Variants in BACH2 observed in about 807,000 individuals in gnomAD.
The protein encoded by BACH2 is transcription regulator protein BACH2.
BACH2 carries 5 observed loss-of-function variants against 61.8 expected under a neutral mutation model. The ratio of observed to expected loss-of-function variants is 0.08; its 90% CI spans 0.04 to 0.17. The LOEUF (loss-of-function observed/expected upper bound fraction) is 0.17. Ranked by LOEUF, BACH2 falls within the 10% of genes least tolerant of loss-of-function variation. BACH2 has a pLI of 1.00. For synonymous variants in BACH2, 446 were observed against 440.1 expected, an observed-to-expected ratio of 1.01 and a Z score of -0.17; for missense variants, 824 against 1,091.1, an observed-to-expected ratio of 0.76 and a Z score of 3.45.
intron 6 of BACH2, among the ~76,000 whole-genome samples, chr6:89,969,960 G>A (rs1286849901): frequency 6.6e-6 from 1 of 152,128 alleles, no homozygotes; most frequent in Non-Finnish European, 1.5e-5. Flanking sequence ...GGTGGGGGTT[G>A]GGGGATGACT....
At chr6:90,210,447 C>T (rs925487636) in intron 3 of BACH2, among the ~76,000 whole-genome samples, 2 of 151,932 alleles carry the variant, frequency 1.3e-5, no homozygotes, top group East Asian at 3.9e-4. Flanking sequence ...GGACAGCAAC[C>T]AAAAAGACTG....
intron 5 of BACH2, among the ~76,000 whole-genome samples, chr6:90,040,673 T>C (rs1779491528): frequency 6.6e-6 from 1 of 152,132 alleles, no homozygotes; most frequent in Non-Finnish European, 1.5e-5. Flanking sequence ...CTTTGTTTTT[T>C]CTCTTCATCT....
At position 90,127,019 on chromosome 6, in the gene BACH2, T is replaced by C. The variant is rs370785812; in HGVS notation, c.-161-37910A>G. On this transcript the variant is annotated intron_variant, in intron 4 of 8. Transcript: ENST00000257749. Reference sequence around the variant, plus strand: ...ATGGCAAGCTGTTGACAACTCCTACTGTACAAAAGAGTTGTTCACACTGCA... The same window carrying C: ...ATGGCAAGCTGTTGACAACTCCTACCGTACAAAAGAGTTGTTCACACTGCA... 7.2e-5 allele frequency among the ~76,000 whole-genome samples: 11 copies of C among 152,316 alleles called. No individual in the cohort carries two copies. The East Asian group carries it at 9.6e-4, about 13-fold the overall frequency.
intron 4 of BACH2, among the ~76,000 whole-genome samples, chr6:90,111,275 G>A (rs2127816093): frequency 6.6e-6 from 1 of 152,076 alleles, no homozygotes; most frequent in South Asian, 2.1e-4. Context: ...CTCTCTCCCG[G>A]GCTTGCAAAA....
intron 5 of BACH2, among the ~76,000 whole-genome samples, chr6:90,066,522 T>C (rs1375819449): frequency 6.6e-6 from 1 of 152,122 alleles, no homozygotes; most frequent in African/African-American, 2.4e-5. Flanking sequence ...AATTTACTAA[T>C]CCAGGAACGA....
chr6:90,075,566 G>A (rs1781438436), intron 5 of BACH2, among the ~76,000 whole-genome samples: 2 of 151,958 alleles, frequency 1.3e-5, no homozygotes, highest in Admixed American at 6.6e-5. Context: ...AATAAATTAC[G>A]ATACCCTGAC....
chr6:89,968,037 C>A (rs1184288822), intron 6 of BACH2, among the ~76,000 whole-genome samples: 1 of 152,224 alleles, frequency 6.6e-6, no homozygotes, highest in Non-Finnish European at 1.5e-5. Flanking sequence ...TGACTCCTAG[C>A]CTTTTCTTTG....
chr6:90,096,903 C>T (rs545659496), intron 4 of BACH2, among the ~76,000 whole-genome samples: 39 of 152,320 alleles, frequency 2.6e-4, no homozygotes, highest in Middle Eastern at 6.8e-3. Flanking sequence ...AAAAATCAAT[C>T]GTGCTTACTT....
chr6:90,219,063 G>A lies in BACH2; in HGVS notation c.-274-12382C>T, dbSNP rs1769647268. Among the ~76,000 whole-genome samples, 3 of 151,876 alleles carry A rather than the reference G, an allele frequency of 2.0e-5. No homozygotes were observed. The South Asian group carries it at 6.2e-4, about 32-fold the overall frequency. On this transcript the variant is annotated intron_variant, in intron 3 of 8. Coordinates refer to ENST00000257749, the MANE Select transcript of BACH2 (RefSeq NM_021813.4). ...GTAGACTTCAGTGGAGTGAAGGCTT[G>A]TAAAAAAAAGAAAAAAAATTGTTGT... is the stretch of plus-strand genomic sequence containing the variant.
At chr6:89,990,702 C>T (rs1176873883) in intron 6 of BACH2, among the ~76,000 whole-genome samples, 2 of 151,788 alleles carry the variant, frequency 1.3e-5, no homozygotes, top group Admixed American at 6.6e-5. Flanking sequence ...GTCCTAACTA[C>T]TGTATTCAAA....
chr6:89,937,602 T>C (rs1333742432), intron 8 of BACH2, among the ~76,000 whole-genome samples: 1 of 152,148 alleles, frequency 6.6e-6, no homozygotes, highest in Admixed American at 6.5e-5. Flanking sequence ...TGATCTCCAC[T>C]CACTGCAACC....
intron 6 of BACH2, among the ~76,000 whole-genome samples, chr6:89,965,203 TC>T (rs1774990697): frequency 1.3e-5 from 2 of 152,196 alleles, no homozygotes; most frequent in Non-Finnish European, 1.5e-5. Flanking sequence ...TACTTTTGGC[TC>T]TGCTTGTCTT....
At chr6:90,155,205 A>C (rs1228044194) in intron 4 of BACH2, among the ~76,000 whole-genome samples, 1 of 152,216 alleles carries the variant, frequency 6.6e-6, no homozygotes, top group African/African-American at 2.4e-5. Flanking sequence ...GGCTAGACTA[A>C]GAAGGCTGCA....
intron 4 of BACH2, among the ~76,000 whole-genome samples, chr6:90,129,801 T>C (rs1284104888): frequency 2.0e-5 from 3 of 152,168 alleles, no homozygotes; most frequent in Non-Finnish European, 4.4e-5. Context: ...CTTGTGATTT[T>C]TGCACATTGA....
At chr6:89,974,054 C>T (rs1264840123) in intron 6 of BACH2, among the ~76,000 whole-genome samples, 3 of 152,128 alleles carry the variant, frequency 2.0e-5, no homozygotes, top group Non-Finnish European at 4.4e-5. Flanking sequence ...GCTGGAGATA[C>T]TCACTGAGTC....
At chr6:90,045,416 G>A (rs138259257) in intron 5 of BACH2, among the ~76,000 whole-genome samples, 144 of 152,246 alleles carry the variant, frequency 9.5e-4, no homozygotes, top group African/African-American at 3.3e-3. Context: ...GGAAAGAAAC[G>A]ACATCAACAG....
chr6:89,966,345 T>C (rs1403485054), intron 6 of BACH2, among the ~76,000 whole-genome samples: 1 of 152,208 alleles, frequency 6.6e-6, no homozygotes, highest in Non-Finnish European at 1.5e-5. Context: ...GCTTCTGCAA[T>C]GGGCTCTGCC....
At chr6:90,290,700 G>A (rs898357233) in intron 1 of BACH2, among the ~76,000 whole-genome samples, 21 of 152,186 alleles carry the variant, frequency 1.4e-4, no homozygotes, top group East Asian at 3.9e-4. Context: ...TTTAAAATCC[G>A]AAGTGAAGGT....
At chr6:89,990,779 C>G (rs577526600) in intron 6 of BACH2, among the ~76,000 whole-genome samples, 1 of 152,202 alleles carries the variant, frequency 6.6e-6, no homozygotes, top group Non-Finnish European at 1.5e-5. Flanking sequence ...AGTTGCTGAT[C>G]ACTAACTTAG....
Sources: gnomAD v4.1 joint callset for allele counts (sites outside exome capture counted in the v4.1 genomes callset) on GRCh38, gnomAD v4.1.1 for gene constraint, MANE v1.5 for transcripts, NCBI Gene and HGNC (gene_info 2026-07-23, HGNC 2026-07-21) for gene names.